Variants in MECOM observed in about 807,000 individuals in gnomAD.
MECOM encodes the protein histone-lysine N-methyltransferase MECOM.
In MECOM, 13 loss-of-function variants were observed where a neutral mutation model predicts 116.3. The observed-to-expected ratio is 0.11, with a 90% CI of 0.07 to 0.18. The LOEUF (loss-of-function observed/expected upper bound fraction) is 0.18. Among genes scored for constraint, MECOM ranks in the 10% least tolerant of loss-of-function variants. MECOM has a pLI of 1.00. For synonymous variants in MECOM, 528 were observed against 535.2 expected, an observed-to-expected ratio of 0.99 and a Z score of 0.19; for missense variants, 1,299 against 1,509.0, an observed-to-expected ratio of 0.86 and a Z score of 2.31.
intron 2 of MECOM, among the ~76,000 whole-genome samples, chr3:169,169,402 T>C (rs1487000875): frequency 6.6e-6 from 1 of 152,162 alleles, no homozygotes; most frequent in East Asian, 1.9e-4. Flanking sequence ...CAATATGATA[T>C]GACAATTATT....
chr3:169,610,158 C>T (rs1769073192), intron 1 of MECOM, among the ~76,000 whole-genome samples: 1 of 152,106 alleles, frequency 6.6e-6, no homozygotes, highest in Admixed American at 6.6e-5. Context: ...ATATTACTAG[C>T]TTATTTTTAC....
intron 2 of MECOM, among the ~76,000 whole-genome samples, chr3:169,348,742 C>T (rs968749646): frequency 6.6e-6 from 1 of 151,890 alleles, no homozygotes; most frequent in African/African-American, 2.4e-5. Flanking sequence ...TTGCCATAGA[C>T]CTTTTATTTG....
chr3:169,383,283 C>T (rs544980216), intron 1 of MECOM, among the ~76,000 whole-genome samples: 15 of 152,262 alleles, frequency 9.9e-5, no homozygotes, highest in African/African-American at 3.4e-4. Flanking sequence ...AATTCCAGAA[C>T]CCAACCTTAT....
chr3:169,116,263 C>T lies in MECOM; in HGVS notation c.1609G>A (p.Ala537Thr), dbSNP rs571300871. ...PLMTHPQILPATQDILKALSK... is the reference protein window; with the variant it reads ...PLMTHPQILPTTQDILKALSK... ...AGTGCCTTCAAAATATCCTGTGTAG[C>T]TGGCAGTATCTGAGGATGTGTCATG... The change falls in exon 8 of 17, where the codon GCT becomes ACT. Residue 537 changes from alanine to threonine, a missense_variant. Transcript: ENST00000651503. 4 of 1,614,170 alleles carry T rather than the reference C, an allele frequency of 2.5e-6. No individual in the cohort carries two copies. The East Asian group carries it at 8.9e-5, about 36-fold the overall frequency.
chr3:169,661,679 C>T (rs1327428205), intron 1 of MECOM, among the ~76,000 whole-genome samples: 1 of 152,196 alleles, frequency 6.6e-6, no homozygotes, highest in Non-Finnish European at 1.5e-5. Flanking sequence ...CTCCAATGCC[C>T]GCGAAGCCGA....
At position 169,594,154 on chromosome 3, in the gene MECOM, C is replaced by CAAAA. The variant is rs34331048; in HGVS notation, c.37+69178_37+69181dup. Among the ~76,000 whole-genome samples, 75 of 45,402 alleles carry CAAAA rather than the reference C, an allele frequency of 1.7e-3. 1 individual carries two copies. The highest frequency in any genetic ancestry group is 5.3e-3 in the East Asian group (10 of 1,872). The allele number at this position is 45,402 out of a possible 152,430, so 29.8% of individuals were successfully genotyped here. On this transcript the variant is annotated intron_variant, in intron 1 of 16. Coordinates refer to ENST00000651503, the MANE Select transcript of MECOM (RefSeq NM_004991.4). ...CTCAACGACAACACCACCACCACCA[C>CAAAA]AAAAAAAAAAAAAAAAAAAAAACAC...
chr3:169,489,073 T>G (rs1446535113), intron 1 of MECOM, among the ~76,000 whole-genome samples: 1 of 152,106 alleles, frequency 6.6e-6, no homozygotes, highest in Non-Finnish European at 1.5e-5. Context: ...CAAGAGATTT[T>G]TAAATGCTAG....
intron 2 of MECOM, among the ~76,000 whole-genome samples, chr3:169,184,432 C>A (rs957307485): frequency 6.6e-6 from 1 of 152,146 alleles, no homozygotes; most frequent in African/African-American, 2.4e-5. Context: ...AAGCTAAAGA[C>A]GTTTGGAATT....
chr3:169,420,913 C>T (rs1739620283), intron 1 of MECOM, among the ~76,000 whole-genome samples: 1 of 152,036 alleles, frequency 6.6e-6, no homozygotes, highest in African/African-American at 2.4e-5. Flanking sequence ...ATCAATATTC[C>T]ATTGAACACA....
rs3045470 is a variant in MECOM, at chr3:169,610,498, CGTGT to C, written c.37+52834_37+52837del. Reference sequence around the variant, plus strand: ...GGTAAATGATATATATGTAATGTTACGTGTGTGTGTGTGTGTGTGTGTGTGTGTG... The same window carrying C: ...GGTAAATGATATATATGTAATGTTACGTGTGTGTGTGTGTGTGTGTGTGTG... On this transcript the variant is annotated intron_variant, in intron 1 of 16. Coordinates refer to ENST00000651503, the MANE Select transcript of MECOM (RefSeq NM_004991.4). Among the ~76,000 whole-genome samples the C allele has an allele frequency of 6.1e-3, 787 of 128,688 alleles. 6 individuals are homozygous for C. Among genetic ancestry groups the C allele is most frequent in the African/African-American group, 0.019 (650 of 34,528 alleles). 84.4% of individuals were successfully genotyped at this position (128,688 alleles called of 152,430 possible).
intron 2 of MECOM, among the ~76,000 whole-genome samples, chr3:169,218,726 A>C (rs1041934412): frequency 2.0e-5 from 3 of 152,118 alleles, no homozygotes; most frequent in African/African-American, 7.2e-5. Flanking sequence ...TTATTTCTTA[A>C]TCATTCTGTA....
intron 1 of MECOM, among the ~76,000 whole-genome samples, chr3:169,562,741 G>A (rs773418355): frequency 4.5e-4 from 69 of 152,090 alleles, no homozygotes; most frequent in Non-Finnish European, 8.2e-4. Flanking sequence ...ATCTTCAACA[G>A]TCTGGGGGGC....
At chr3:169,510,250 C>T (rs945650723) in intron 1 of MECOM, among the ~76,000 whole-genome samples, 1 of 152,160 alleles carries the variant, frequency 6.6e-6, no homozygotes, top group African/African-American at 2.4e-5. Context: ...GGGTCGGGGG[C>T]AGGGAGGGAG....
At chr3:169,193,013 CA>C (rs1201286870) in intron 2 of MECOM, among the ~76,000 whole-genome samples, 1 of 151,794 alleles carries the variant, frequency 6.6e-6, no homozygotes, top group African/African-American at 2.4e-5. Flanking sequence ...ATGATGGGGG[CA>C]GGGGTAATAT....
intron 2 of MECOM, among the ~76,000 whole-genome samples, chr3:169,308,465 T>C (rs1718113556): frequency 6.6e-6 from 1 of 152,250 alleles, no homozygotes; most frequent in African/African-American, 2.4e-5. Flanking sequence ...GTCATGGTTT[T>C]GTACACAAGG....
At chr3:169,215,720 A>T (rs2149485193) in intron 2 of MECOM, among the ~76,000 whole-genome samples, 1 of 152,362 alleles carries the variant, frequency 6.6e-6, no homozygotes, top group Admixed American at 6.5e-5. Context: ...TTGCTGGGTA[A>T]AGTAAGAGCA....
At chr3:169,097,191 T>C (rs1220959745) in intron 12 of MECOM, among the ~76,000 whole-genome samples, 7 of 152,074 alleles carry the variant, frequency 4.6e-5, no homozygotes, top group Non-Finnish European at 8.8e-5. Context: ...GGAAGAGAGA[T>C]TATGTTTCTG....
In MECOM at chr3:169,116,227, G is replaced by A; in HGVS notation, c.1645C>T (p.Pro549Ser). The A allele has an allele frequency of 6.2e-7, 1 of 1,614,120 alleles. No homozygotes were observed. Among genetic ancestry groups the A allele is most frequent in the East Asian group, 2.2e-5 (1 of 44,880 alleles). ...QDILKALSKH[P>S]SVGDNKPVEL... The stretch of plus-strand genomic sequence containing the variant: ...ACTGGCTTATTGTCCCCTACAGATG[G>A]GTGTTTAGATAGTGCCTTCAAAATA... The change falls in exon 8 of 17, where the codon CCA (proline) becomes TCA (serine). Residue 549 changes from proline to serine, a missense_variant. Transcript: ENST00000651503.
chr3:169,312,994 C>G, intron 2 of MECOM, among the ~76,000 whole-genome samples: 1 of 152,298 alleles, frequency 6.6e-6, no homozygotes, highest in East Asian at 1.9e-4. Context: ...TACTGAGCAT[C>G]TGGGTGCTCC....
Sources: allele counts gnomAD v4.1 joint callset (sites outside exome capture counted in the v4.1 genomes callset), GRCh38; gene constraint gnomAD v4.1.1; transcripts MANE v1.5; gene names NCBI Gene and HGNC (gene_info 2026-07-23, HGNC 2026-07-21).